CTNNA3: variants seen among roughly 807,000 people sequenced by gnomAD.
CTNNA3 encodes catenin alpha-3.
Under a neutral mutation model 95.7 loss-of-function variants are expected in CTNNA3, and 76 were observed. The observed-to-expected ratio is 0.79, with a 90% CI of 0.66 to 0.96. The LOEUF (loss-of-function observed/expected upper bound fraction) is 0.96, where lower values mean the gene tolerates loss of function less well. Among genes scored for constraint, CTNNA3 ranks in the 40% least tolerant of loss-of-function variants. The probability of loss-of-function intolerance (pLI) is 0.00; values close to 1 mark genes in which losing one functional copy is unlikely to be tolerated. For synonymous variants in CTNNA3, 431 were observed against 374.4 expected (o/e 1.15, Z -1.74); for missense variants, 1,191 against 1,089.8 (o/e 1.09, Z -1.31).
In CTNNA3 at chr10:67,689,266, A is replaced by G. The variant is rs549426929; in HGVS notation, c.-6+6734T>C. Reference sequence around the variant, plus strand: ...AGATACCATTTCCGAAGCTCCCCATATCCTAGCTTCAGGAATAGCTTTTGT... The same window carrying G: ...AGATACCATTTCCGAAGCTCCCCATGTCCTAGCTTCAGGAATAGCTTTTGT... On this transcript the variant is annotated intron_variant, in intron 1 of 17. Coordinates refer to ENST00000433211, the MANE Select transcript of CTNNA3 (RefSeq NM_013266.4). 7.2e-5 allele frequency among the ~76,000 whole-genome samples: 11 copies of G among 152,218 alleles called. No homozygotes were observed. The South Asian group carries it at 2.1e-3, about 29-fold the overall frequency.
intron 6 of CTNNA3, among the ~76,000 whole-genome samples, chr10:67,196,511 C>T (rs1299988264): frequency 1.3e-5 from 2 of 151,950 alleles, no homozygotes; most frequent in Non-Finnish European, 2.9e-5. Flanking sequence ...AAGTAATGAA[C>T]ATATTACATT....
intron 17 of CTNNA3, among the ~76,000 whole-genome samples, chr10:65,959,664 A>G (rs2077802400): frequency 6.6e-6 from 1 of 152,122 alleles, no homozygotes; most frequent in Non-Finnish European, 1.5e-5. Context: ...AGCTGGGACT[A>G]CAGGCATACA....
rs140781174 is a variant in CTNNA3 at position 66,676,473 on chromosome 10, C to A, written c.1282-54689G>T. ...AGTGATAAAGGGAAAGCATCAATCA[C>A]GCATGACAGGAAAGCCAAAGGTACC... On this transcript the variant is annotated intron_variant, in intron 9 of 17. Transcript: ENST00000433211. Among the ~76,000 whole-genome samples, 28 of 152,092 alleles carry A rather than the reference C, an allele frequency of 1.8e-4. No individual in the cohort carries two copies. The East Asian group carries it at 3.5e-3, about 19-fold the overall frequency.
upstream of CTNNA3, among the ~76,000 whole-genome samples, chr10:67,698,644 T>C (rs1841008627): frequency 6.6e-6 from 1 of 152,228 alleles, no homozygotes; most frequent in Non-Finnish European, 1.5e-5. Flanking sequence ...AATTTCAGGT[T>C]CGGGCTTTAA....
intron 17 of CTNNA3, among the ~76,000 whole-genome samples, chr10:65,924,592 A>G (rs963904836): frequency 6.6e-6 from 1 of 152,282 alleles, no homozygotes; most frequent in African/African-American, 2.4e-5. Flanking sequence ...GCAATATTTA[A>G]TATTTCTTAG....
intron 7 of CTNNA3, among the ~76,000 whole-genome samples, chr10:67,111,565 T>A (rs192801241): frequency 6.6e-6 from 1 of 152,054 alleles, no homozygotes; most frequent in African/African-American, 2.4e-5. Flanking sequence ...GTCCAAAAGC[T>A]TGTTAAGGAC....
intron 9 of CTNNA3, among the ~76,000 whole-genome samples, chr10:66,730,668 G>A (rs1848932457): frequency 6.6e-6 from 1 of 152,100 alleles, no homozygotes; most frequent in African/African-American, 2.4e-5. Flanking sequence ...CTATGAGCTG[G>A]AATAATAAAA....
chr10:66,905,446 C>G (rs555852308), intron 7 of CTNNA3, among the ~76,000 whole-genome samples: 126 of 152,184 alleles, frequency 8.3e-4, no homozygotes, highest in African/African-American at 3.0e-3. Context: ...GTGCAGCAAG[C>G]CAACATGCCA....
intron 7 of CTNNA3, among the ~76,000 whole-genome samples, chr10:66,782,786 C>T (rs933781819): frequency 6.6e-6 from 1 of 151,936 alleles, no homozygotes; most frequent in Non-Finnish European, 1.5e-5. Context: ...AATATCTATC[C>T]TATTAGTTAT....
intron 7 of CTNNA3, among the ~76,000 whole-genome samples, chr10:66,902,223 A>G (rs1845781544): frequency 6.6e-6 from 1 of 152,228 alleles, no homozygotes; most frequent in Admixed American, 6.5e-5. Flanking sequence ...CAGGGTTAAG[A>G]AACTCACTCA....
chr10:65,945,160 GTATA>G (rs60008851), intron 17 of CTNNA3, among the ~76,000 whole-genome samples: 2 of 146,108 alleles, frequency 1.4e-5, no homozygotes, highest in African/African-American at 2.7e-5. Context: ...GTGTGTGTGT[GTATA>G]TATATATATA....
intron 12 of CTNNA3, among the ~76,000 whole-genome samples, chr10:66,363,939 A>T (rs2132439582): frequency 6.6e-6 from 1 of 152,274 alleles, no homozygotes; most frequent in South Asian, 2.1e-4. Context: ...TCTAAGAGAT[A>T]AGTTTTATTG....
chr10:65,955,511 A>T (rs2077711287), intron 17 of CTNNA3, among the ~76,000 whole-genome samples: 1 of 152,134 alleles, frequency 6.6e-6, no homozygotes, highest in African/African-American at 2.4e-5. Context: ...TCAGTATGAT[A>T]TTGGCTGAGG....
At chr10:66,599,388 G>T (rs1843838548) in intron 10 of CTNNA3, among the ~76,000 whole-genome samples, 1 of 152,020 alleles carries the variant, frequency 6.6e-6, no homozygotes, top group Non-Finnish European at 1.5e-5. Context: ...GAAAAACCAT[G>T]AATTATTTCT....
chr10:65,944,896 CT>C (rs1564530710), intron 17 of CTNNA3, among the ~76,000 whole-genome samples: 31 of 122,206 alleles, frequency 2.5e-4, no homozygotes, highest in Non-Finnish European at 5.0e-4. Context: ...ATCTATCTAT[CT>C]ATCATCTATC....
chr10:67,001,683 T>C (rs1851700323), intron 7 of CTNNA3, among the ~76,000 whole-genome samples: 1 of 152,198 alleles, frequency 6.6e-6, no homozygotes, highest in South Asian at 2.1e-4. Context: ...ATCCTAATTG[T>C]ATTCATAATG....
chr10:67,449,600 T>C (rs1564657845), intron 5 of CTNNA3, among the ~76,000 whole-genome samples: 2 of 152,194 alleles, frequency 1.3e-5, no homozygotes, highest in Non-Finnish European at 2.9e-5. Flanking sequence ...GATAACTGTC[T>C]AGCCATATGC....
chr10:66,660,913 A>G (rs894932896), intron 9 of CTNNA3, among the ~76,000 whole-genome samples: 2 of 152,002 alleles, frequency 1.3e-5, no homozygotes, highest in Non-Finnish European at 1.5e-5. Flanking sequence ...GGATTTCTGT[A>G]TCTTTTATTC....
chr10:67,554,938 G>A (rs1013411180), intron 3 of CTNNA3, among the ~76,000 whole-genome samples: 1 of 152,148 alleles, frequency 6.6e-6, no homozygotes, highest in Non-Finnish European at 1.5e-5. Context: ...TGTATAAGGT[G>A]TAAGGAAGGG....
Sources: allele counts gnomAD v4.1 joint callset (sites outside exome capture counted in the v4.1 genomes callset), GRCh38; gene constraint gnomAD v4.1.1; transcripts MANE v1.5; gene names NCBI Gene and HGNC (gene_info 2026-07-23, HGNC 2026-07-21).